The following GASK1B variants were observed in gnomAD, a reference collection of about 807,000 sequenced individuals.
The protein encoded by GASK1B is Golgi-associated kinase 1B.
Under a neutral mutation model 42.8 loss-of-function variants are expected in GASK1B, and 34 were observed. The ratio of observed to expected loss-of-function variants is 0.79; its 90% CI spans 0.60 to 1.06. GASK1B has a LOEUF of 1.06. GASK1B is among the 50% of genes least tolerant of loss of function. The pLI, the probability that GASK1B is intolerant of heterozygous loss-of-function variation, is 0.00. For synonymous variants in GASK1B, 262 were observed against 259.1 expected (o/e 1.01, Z -0.11); for missense variants, 686 against 661.0 (o/e 1.04, Z -0.42).
intron 2 of GASK1B, among the ~76,000 whole-genome samples, chr4:158,166,092 C>T (rs900513903): frequency 6.6e-5 from 10 of 152,286 alleles, no homozygotes; most frequent in Admixed American, 6.5e-4. Context: ...ACTGCTGGAT[C>T]TTATATTGTG....
intron 3 of GASK1B, among the ~76,000 whole-genome samples, chr4:158,141,963 A>G (rs1197686373): frequency 4.4e-5 from 3 of 68,104 alleles, no homozygotes; most frequent in South Asian, 6.3e-4. Flanking sequence ...TTTGAGACGG[A>G]GTCTCGCTCT....
chr4:158,134,447 A>G (rs1281398953), intron 3 of GASK1B, among the ~76,000 whole-genome samples: 1 of 152,182 alleles, frequency 6.6e-6, no homozygotes, highest in Admixed American at 6.5e-5. Flanking sequence ...ACATTTTGTC[A>G]GCTAAGCAAT....
In GASK1B at chr4:158,127,451, A is replaced by G. The variant is rs138391669; in HGVS notation, c.1516T>C (p.Tyr506His). ...IEHRAKILIT[Y>H]INAHGVKVLP... ...ACTTTGACCCCGTGTGCATTGATAT[A>G]GGTGATAAGAATTTTGGCTCTGTGT... The change falls in exon 5 of 5, where the codon TAT (tyrosine) becomes CAT (histidine). Residue 506 changes from tyrosine (Y) to histidine (H), a missense_variant. Transcript: ENST00000585682. The G allele has an allele frequency of 4.3e-6, 7 of 1,613,724 alleles. 1 individual carries two copies. In the African/African-American group the frequency reaches 5.3e-5, roughly 12 times the overall value.
At position 158,125,625 on chromosome 4, in the gene GASK1B, C is replaced by T. The variant is rs777780478; in HGVS notation, c.*1782G>A. On this transcript the variant is annotated 3_prime_UTR_variant, in exon 5 of 5. Coordinates refer to ENST00000585682, the MANE Select transcript of GASK1B (RefSeq NM_001128424.2). ...CAGAGACAGTGAGTAAAAGTGGAGACTCAAAAGAGCCAAGGAGTACTATAA... is the reference window on the plus strand; with the variant it reads ...CAGAGACAGTGAGTAAAAGTGGAGATTCAAAAGAGCCAAGGAGTACTATAA... The T allele has an allele frequency of 6.6e-6, 1 of 151,970 alleles. No individual in the cohort carries two copies. Among genetic ancestry groups the T allele is most frequent in the Non-Finnish European group, 1.5e-5 (1 of 67,976 alleles). 9.4% of individuals were successfully genotyped at this position (151,970 alleles called of 1,614,324 possible).
rs1272019790 is a variant in GASK1B at position 158,171,074 on chromosome 4, G to A, written c.302C>T (p.Thr101Ile). The change falls in exon 2 of 5, where the codon ACT becomes ATT. Residue 101 changes from threonine (T) to isoleucine (I), a missense_variant. Thr to Ile is a moderately conservative substitution (Grantham distance 89, BLOSUM62 -1). Coordinates refer to ENST00000585682, the MANE Select transcript of GASK1B (RefSeq NM_001128424.2). ...AATGTACACCACATTGGGCTGCAGA[G>A]TGGACCCATTGCCCTGGGACTCTGG... Reference protein sequence around the residue: ...APPESQGNGSTLQPNVVYITL... With the variant: ...APPESQGNGSILQPNVVYITL... 2.2e-5 allele frequency: 35 copies of A among 1,611,056 alleles called. No individual in the cohort carries two copies. Among genetic ancestry groups the A allele is most frequent in the Non-Finnish European group, 2.8e-5 (33 of 1,177,624 alleles).
chr4:158,154,174 A>G (rs1052145780), intron 3 of GASK1B, among the ~76,000 whole-genome samples: 12 of 151,636 alleles, frequency 7.9e-5, no homozygotes, highest in East Asian at 1.9e-4. Flanking sequence ...AGAAAAAAAA[A>G]AAAAAAAGAA....
chr4:158,155,525 T>C, intron 3 of GASK1B, 86 bp downstream of exon 3: 2 of 1,157,194 alleles, frequency 1.7e-6, no homozygotes, highest in Non-Finnish European at 2.5e-6. Flanking sequence ...TCATAAAAAC[T>C]CCAGGTGCTG....
At chr4:158,134,529 T>C (rs1730806804) in intron 3 of GASK1B, among the ~76,000 whole-genome samples, 1 of 152,202 alleles carries the variant, frequency 6.6e-6, no homozygotes, top group Non-Finnish European at 1.5e-5. Flanking sequence ...GAATGTCTTT[T>C]CCAAAACTAA....
At chr4:158,137,735 C>T (rs1003556541) in intron 3 of GASK1B, among the ~76,000 whole-genome samples, 1 of 152,098 alleles carries the variant, frequency 6.6e-6, no homozygotes, top group African/African-American at 2.4e-5. Context: ...GCTCCACCCC[C>T]GCCAGCATCT....
At position 158,141,597 on chromosome 4, in the gene GASK1B, C is replaced by CATTTTTTTTTTTTTTTTTTTTTTT. The variant is rs1553958620; in HGVS notation, c.1126-10586_1126-10585insAAAAAAAAAAAAAAAAAAAAAAAT. ...CATAGGTCAGTGCCTTTGTATTTAC[C>CATTTTTTTTTTTTTTTTTTTTTTT]TTTTTTTTTTTTTTTTTTTTTTTTT... On this transcript the variant is annotated intron_variant, in intron 3 of 4. Coordinates refer to ENST00000585682, the MANE Select transcript of GASK1B (RefSeq NM_001128424.2). Among the ~76,000 whole-genome samples, 4 of 113,694 alleles carry CATTTTTTTTTTTTTTTTTTTTTTT rather than the reference C, an allele frequency of 3.5e-5. 1 individual carries two copies. Among genetic ancestry groups the CATTTTTTTTTTTTTTTTTTTTTTT allele is most frequent in the African/African-American group, 6.9e-5 (2 of 28,906 alleles). The allele number at this position is 113,694 out of a possible 152,430, so 74.6% of individuals were successfully genotyped here. A position where few individuals can be genotyped will look rare whatever the true frequency, so the allele number is the denominator to read the frequency against.
rs775376650 is a variant in GASK1B, at chr4:158,126,688, C to T, written c.*719G>A. On this transcript the variant is annotated 3_prime_UTR_variant, in exon 5 of 5. Transcript: ENST00000585682. Reference sequence around the variant, plus strand: ...TCTCAGCCACTAGATACAAATTGGACCAAAATAGAGAGAGTAAAACTCTTT... The same window carrying T: ...TCTCAGCCACTAGATACAAATTGGATCAAAATAGAGAGAGTAAAACTCTTT... 7.3e-5 allele frequency: 11 copies of T among 151,690 alleles called. No homozygotes were observed. The highest frequency in any genetic ancestry group is 3.9e-4 in the Admixed American group (6 of 15,212). 9.4% of individuals were successfully genotyped at this position (151,690 alleles called of 1,614,324 possible).
At chr4:158,170,290 T>C in intron 2 of GASK1B, 176 bp downstream of exon 2, 2 of 1,614,136 alleles carry the variant, frequency 1.2e-6, no homozygotes, top group Non-Finnish European at 1.7e-6. Flanking sequence ...TCTCATATCC[T>C]CCCAGGCTGG....
chr4:158,157,384 A>C (rs1403354378), intron 2 of GASK1B, among the ~76,000 whole-genome samples: 1 of 152,066 alleles, frequency 6.6e-6, no homozygotes, highest in African/African-American at 2.4e-5. Flanking sequence ...CTGGGGCCTA[A>C]TTATCTTCTT....
chr4:158,159,306 C>T (rs1242894150), intron 2 of GASK1B, among the ~76,000 whole-genome samples: 1 of 152,106 alleles, frequency 6.6e-6, no homozygotes, highest in African/African-American at 2.4e-5. Flanking sequence ...ACATACAGGC[C>T]TTCTTGCTAC....
chr4:158,162,958 G>A (rs1442764746), intron 2 of GASK1B, among the ~76,000 whole-genome samples: 2 of 152,168 alleles, frequency 1.3e-5, no homozygotes, highest in African/African-American at 2.4e-5. Context: ...CCTACTGCAC[G>A]CTACCTGTAG....
Position 158,171,137 on chromosome 4 carries a change from G to A in GASK1B, c.239C>T (p.Ser80Phe), listed in dbSNP as rs759199763. 9.9e-6 allele frequency: 16 copies of A among 1,608,454 alleles called. No homozygotes were observed. The Admixed American group carries it at 2.7e-4, about 27-fold the overall frequency. Residue 80 changes from serine to phenylalanine, a missense_variant, in exon 2 of 5, where the codon TCC (serine) becomes TTC (phenylalanine). Physicochemically the swap from Ser to Phe is radical, Grantham distance 155 (BLOSUM62 -2). Transcript: ENST00000585682. ...PHRSRDTAEPSFPEIPLDGTL... is the reference protein window; with the variant it reads ...PHRSRDTAEPFFPEIPLDGTL... Reference sequence around the variant, plus strand: ...ACCATCCAGGGGTATCTCAGGGAAGGATGGCTCGGCGGTGTCGCGGCTGCG... The same window carrying A: ...ACCATCCAGGGGTATCTCAGGGAAGAATGGCTCGGCGGTGTCGCGGCTGCG...
At chr4:158,142,500 A>G (rs528577123) in intron 3 of GASK1B, among the ~76,000 whole-genome samples, 3 of 152,268 alleles carry the variant, frequency 2.0e-5, no homozygotes, top group African/African-American at 4.8e-5. Context: ...TTTTTTTTCT[A>G]TATAAACTGT....
chr4:158,141,250 T>C (rs561772218), intron 3 of GASK1B, among the ~76,000 whole-genome samples: 1 of 152,110 alleles, frequency 6.6e-6, no homozygotes, highest in African/African-American at 2.4e-5. Flanking sequence ...AGATATGCTT[T>C]GAGACAAAGA....
chr4:158,133,278 T>C (rs901945730), intron 3 of GASK1B, among the ~76,000 whole-genome samples: 1 of 152,210 alleles, frequency 6.6e-6, no homozygotes, highest in African/African-American at 2.4e-5. Flanking sequence ...TTTTATCTAG[T>C]TACATTAACA....
Sources: gnomAD v4.1 joint callset for allele counts (sites outside exome capture counted in the v4.1 genomes callset) on GRCh38, gnomAD v4.1.1 for gene constraint, MANE v1.5 for transcripts, NCBI Gene and HGNC (gene_info 2026-07-23, HGNC 2026-07-21) for gene names.